Variants in USP45 observed in about 807,000 individuals in gnomAD.
The protein encoded by USP45 is ubiquitin specific peptidase 45, also known as ubiquitin carboxyl-terminal hydrolase 45.
USP45 carries 89 observed loss-of-function variants against 95.8 expected under a neutral mutation model. That is an observed-to-expected ratio of 0.93 (90% CI 0.78 to 1.11). The LOEUF is 1.11. USP45 is among the 50% of genes least tolerant of loss of function. The pLI is 0.00. For missense variants in USP45, 898 were observed against 942.5 expected, an observed-to-expected ratio of 0.95 and a Z score of 0.62; for synonymous variants, 281 against 316.2, an observed-to-expected ratio of 0.89 and a Z score of 1.18.
chr6:99,484,004 GTT>G (rs773687208), intron 7 of USP45, among the ~76,000 whole-genome samples: 14 of 91,462 alleles, frequency 1.5e-4, no homozygotes, highest in South Asian at 4.8e-4. Flanking sequence ...ATTTTCCATA[GTT>G]TTTTTTTTTT....
At chr6:99,457,585 T>C (rs1480315874) in intron 13 of USP45, among the ~76,000 whole-genome samples, 3 of 152,062 alleles carry the variant, frequency 2.0e-5, no homozygotes, top group South Asian at 2.1e-4. Context: ...CAACAGAAAA[T>C]TAATGGTCAA....
chr6:99,493,727 G>C (rs1262016046), intron 5 of USP45, among the ~76,000 whole-genome samples: 1 of 152,098 alleles, frequency 6.6e-6, no homozygotes, highest in Non-Finnish European at 1.5e-5. Flanking sequence ...TCGAACTCCT[G>C]ACCTCAGGTG....
At chr6:99,495,475 C>T (rs1796103030) in intron 5 of USP45, among the ~76,000 whole-genome samples, 1 of 152,128 alleles carries the variant, frequency 6.6e-6, no homozygotes, top group Admixed American at 6.6e-5. Flanking sequence ...AGTGTATCTC[C>T]CTTAAATTGT....
intron 8 of USP45, among the ~76,000 whole-genome samples, chr6:99,478,413 A>G (rs1028611164): frequency 1.3e-5 from 2 of 152,124 alleles, no homozygotes; most frequent in Admixed American, 6.5e-5. Context: ...GGGGAACCCT[A>G]AGGATTCCCA....
chr6:99,497,204 C>T (rs1299267204), intron 5 of USP45, among the ~76,000 whole-genome samples: 1 of 151,970 alleles, frequency 6.6e-6, no homozygotes, highest in East Asian at 1.9e-4. Flanking sequence ...GCTTATTTGC[C>T]CATTTTCAGT....
chr6:99,439,919 T>G, intron 15 of USP45, 64 bp from the exon 16 acceptor site: 1 of 1,330,762 alleles, frequency 7.5e-7, no homozygotes, highest in South Asian at 1.4e-5. Flanking sequence ...CTTTGTTAAC[T>G]AAAACCAAAA....
chr6:99,443,749 C>A, intron 14 of USP45, 87 bp from the exon 15 acceptor site: 4 of 837,946 alleles, frequency 4.8e-6, no homozygotes, highest in South Asian at 5.1e-5. Flanking sequence ...AAGTATCATA[C>A]CACATTTTTA....
At chr6:99,481,750 T>C (rs1223570850) in intron 8 of USP45, among the ~76,000 whole-genome samples, 2 of 152,186 alleles carry the variant, frequency 1.3e-5, no homozygotes, top group Non-Finnish European at 2.9e-5. Flanking sequence ...CTTCCACTTA[T>C]GAGAACATGT....
At chr6:99,485,091 A>T (rs1357944968) in intron 7 of USP45, among the ~76,000 whole-genome samples, 2 of 150,152 alleles carry the variant, frequency 1.3e-5, no homozygotes, top group African/African-American at 4.9e-5. Flanking sequence ...GCATTTTGGG[A>T]GGCCGAGGCA....
At chr6:99,494,447 C>A (rs1795862002) in intron 5 of USP45, among the ~76,000 whole-genome samples, 1 of 152,040 alleles carries the variant, frequency 6.6e-6, no homozygotes, top group Non-Finnish European at 1.5e-5. Flanking sequence ...AAAGACAAAA[C>A]TGGCTGAAAT....
At position 99,446,077 on chromosome 6, in the gene USP45, G is replaced by T; in HGVS notation, c.1695C>A (p.Ser565Arg). The part of the protein sequence containing the change: ...MAEAISELRL[S>R]STVTGDQDFD... ...AATCTTGATCTCCAGTTACAGTGCT[G>T]CTCAAACGAAGTTCAGAAATAGCTT... The change falls in exon 14 of 18, where the codon AGC becomes AGA. Residue 565 changes from serine to arginine, a missense_variant. By Grantham distance (110) the Ser-to-Arg change is moderately radical (BLOSUM62 -1). Coordinates refer to ENST00000500704, the MANE Select transcript of USP45 (RefSeq NM_001346022.3). The T allele has an allele frequency of 6.2e-7, 1 of 1,613,946 alleles. No individual in the cohort carries two copies. Among genetic ancestry groups the T allele is most frequent in the Non-Finnish European group, 8.5e-7 (1 of 1,180,032 alleles).
At chr6:99,439,990 A>G in intron 15 of USP45, 135 bp from the exon 16 acceptor site, 1 of 484,396 alleles carries the variant, frequency 2.1e-6, no homozygotes, top group Non-Finnish European at 3.6e-6. Context: ...ATAGTCTAAA[A>G]TTAATATGAA....
At position 99,488,300 on chromosome 6, in the gene USP45, A is replaced by G. The variant is rs1200779366; in HGVS notation, c.619-5T>C. The G allele has an allele frequency of 1.3e-6, 2 of 1,580,750 alleles. No homozygotes were observed. Among genetic ancestry groups the G allele is most frequent in the African/African-American group, 2.7e-5 (2 of 73,900 alleles). ...AGTATAAGTCTGTGCCAAGTTCTAAAAGAAAACAAAATTAAAGTCTTCAGA... is the reference window on the plus strand; with the variant it reads ...AGTATAAGTCTGTGCCAAGTTCTAAGAGAAAACAAAATTAAAGTCTTCAGA... On this transcript the variant is annotated splice_polypyrimidine_tract_variant and splice_region_variant and intron_variant, in intron 6 of 17. Transcript: ENST00000500704.
chr6:99,439,941 G>A, intron 15 of USP45, 86 bp from the exon 16 acceptor site: 1 of 1,005,694 alleles, frequency 9.9e-7, no homozygotes, highest in Non-Finnish European at 1.4e-6. Flanking sequence ...AGAAATTGTA[G>A]GACTTAGTTT....
chr6:99,477,964 T>A (rs1021880093), intron 8 of USP45, among the ~76,000 whole-genome samples: 3 of 152,116 alleles, frequency 2.0e-5, no homozygotes, highest in African/African-American at 7.2e-5. Flanking sequence ...TGCTGTATAC[T>A]CCAAGGAAGG....
intron 13 of USP45, among the ~76,000 whole-genome samples, chr6:99,460,612 A>G (rs1245628039): frequency 6.6e-6 from 1 of 152,192 alleles, no homozygotes. Context: ...CTTCGAATAC[A>G]GCGTTTTCCT....
At chr6:99,449,935 TTA>T in intron 13 of USP45, among the ~76,000 whole-genome samples, 1 of 152,118 alleles carries the variant, frequency 6.6e-6, no homozygotes, top group South Asian at 2.1e-4. Flanking sequence ...TGACTACTGG[TTA>T]CATAACGAAA....
intron 5 of USP45, among the ~76,000 whole-genome samples, chr6:99,490,065 G>A (rs1168871027): frequency 6.6e-6 from 1 of 152,140 alleles, no homozygotes; most frequent in African/African-American, 2.4e-5. Flanking sequence ...ATTACTCTCT[G>A]AATCAAAATT....
At chr6:99,516,804 G>A (rs748650861), upstream of USP45, among the ~76,000 whole-genome samples, 1 of 152,118 alleles carries the variant, frequency 6.6e-6, no homozygotes, top group African/African-American at 2.4e-5. Context: ...GCAAACTTGA[G>A]CAAATCTAAA....
Sources: gnomAD v4.1 joint callset for allele counts (sites outside exome capture counted in the v4.1 genomes callset) on GRCh38, gnomAD v4.1.1 for gene constraint, MANE v1.5 for transcripts, NCBI Gene and HGNC (gene_info 2026-07-23, HGNC 2026-07-21) for gene names.